The following GNE variants were observed in gnomAD, a reference collection of about 807,000 sequenced individuals.
The protein encoded by GNE is bifunctional UDP-N-acetylglucosamine 2-epimerase/N-acetylmannosamine kinase.
GNE carries 41 observed loss-of-function variants against 61.8 expected under a neutral mutation model. The ratio of observed to expected loss-of-function variants is 0.66; its 90% CI spans 0.52 to 0.86. The LOEUF (loss-of-function observed/expected upper bound fraction) is 0.86. Ranked by LOEUF, GNE falls within the 40% of genes least tolerant of loss-of-function variation. The pLI, the probability that GNE is intolerant of heterozygous loss-of-function variation, is 0.00. For synonymous variants in GNE, 264 were observed against 326.4 expected (o/e 0.81, Z 2.06); for missense variants, 608 against 909.1 (o/e 0.67, Z 4.26).
At chr9:36,266,816 G>A (rs1055185004) in intron 1 of GNE, among the ~76,000 whole-genome samples, 1 of 152,228 alleles carries the variant, frequency 6.6e-6, no homozygotes, top group African/African-American at 2.4e-5. Flanking sequence ...GGCTGAGGCA[G>A]GAGAATGGGG....
Position 36,245,500 on chromosome 9 carries a change from C to T in GNE, c.616+531G>A, listed in dbSNP as rs368111998. On this transcript the variant is annotated intron_variant, in intron 3 of 11. Transcript: ENST00000642385. ...AGGAGTTCGAGACCAGCCTGGCCAA[C>T]GTGGTGAAATTAAAAATAGAAAAAT... Among the ~76,000 whole-genome samples, 11 of 151,864 alleles carry T rather than the reference C, an allele frequency of 7.2e-5. No individual in the cohort carries two copies. In the South Asian group the frequency reaches 1.0e-3, roughly 14 times the overall value.
intron 1 of GNE, among the ~76,000 whole-genome samples, chr9:36,274,505 C>T (rs1224413195): frequency 1.3e-5 from 2 of 152,106 alleles, no homozygotes; most frequent in Non-Finnish European, 2.9e-5. Flanking sequence ...TCTCTTAACC[C>T]CTTCTTTTTC....
At chr9:36,256,572 C>G (rs894474031) in intron 1 of GNE, among the ~76,000 whole-genome samples, 4 of 152,116 alleles carry the variant, frequency 2.6e-5, no homozygotes, top group African/African-American at 9.7e-5. Flanking sequence ...AGACTACTTT[C>G]TGCATTCTCT....
intron 11 of GNE, 55 bp from the exon 12 acceptor site, chr9:36,217,655 C>T: frequency 1.8e-6 from 2 of 1,129,554 alleles, no homozygotes; most frequent in Admixed American, 3.8e-5. Flanking sequence ...AATCAAAATA[C>T]CAAAGAGGAA....
intron 1 of GNE, among the ~76,000 whole-genome samples, chr9:36,270,087 A>G (rs1442483369): frequency 1.3e-5 from 2 of 152,062 alleles, no homozygotes; most frequent in Non-Finnish European, 2.9e-5. Context: ...CCAGCATCCC[A>G]AGTAGCTGGG....
intron 1 of GNE, among the ~76,000 whole-genome samples, chr9:36,272,929 A>G (rs1352042907): frequency 6.8e-6 from 1 of 146,054 alleles, no homozygotes; most frequent in Non-Finnish European, 1.5e-5. Flanking sequence ...AAAAAAAAAA[A>G]AAAAAAAAAG....
chr9:36,265,343 G>A, intron 1 of GNE: 1 of 449,166 alleles, frequency 2.2e-6, no homozygotes, highest in Non-Finnish European at 4.5e-6. Context: ...CATCTTGGAA[G>A]CAACCCGCCA....
At chr9:36,269,436 G>A (rs1036856394) in intron 1 of GNE, among the ~76,000 whole-genome samples, 1 of 150,720 alleles carries the variant, frequency 6.6e-6, no homozygotes, top group Non-Finnish European at 1.5e-5. Context: ...AGGCCCCTAT[G>A]TTCAATTGCC....
intron 3 of GNE, among the ~76,000 whole-genome samples, chr9:36,241,752 T>C (rs1455687503): frequency 1.3e-5 from 2 of 152,146 alleles, no homozygotes; most frequent in Non-Finnish European, 2.9e-5. Flanking sequence ...ATTAAGATTG[T>C]TATATATTAA....
upstream of GNE, among the ~76,000 whole-genome samples, chr9:36,262,046 A>G (rs1482355011): frequency 6.6e-6 from 1 of 152,174 alleles, no homozygotes; most frequent in East Asian, 1.9e-4. Context: ...GGTAAGAAAA[A>G]TTAACTTCAA....
At chr9:36,227,917 C>T (rs1477260089) in intron 6 of GNE, among the ~76,000 whole-genome samples, 1 of 151,242 alleles carries the variant, frequency 6.6e-6, no homozygotes, top group African/African-American at 2.4e-5. Context: ...CCTGTAATCC[C>T]AGCTACTCAG....
At chr9:36,264,062 T>C (rs956350215) in intron 1 of GNE, among the ~76,000 whole-genome samples, 2 of 152,188 alleles carry the variant, frequency 1.3e-5, no homozygotes, top group African/African-American at 4.8e-5. Context: ...CTGACTTGAC[T>C]TGAATCCTGA....
At chr9:36,274,976 G>C (rs1269352837) in intron 1 of GNE, among the ~76,000 whole-genome samples, 1 of 152,084 alleles carries the variant, frequency 6.6e-6, no homozygotes, top group Non-Finnish European at 1.5e-5. Flanking sequence ...CGCCGGACTC[G>C]GCCTCCCAAA....
chr9:36,274,818 G>C (rs547689279), intron 1 of GNE, among the ~76,000 whole-genome samples: 29 of 129,788 alleles, frequency 2.2e-4, no homozygotes, highest in African/African-American at 7.4e-4. Context: ...CGCCTCCCGG[G>C]TTCACGCCAT....
At chr9:36,274,442 C>T (rs1284712643) in intron 1 of GNE, among the ~76,000 whole-genome samples, 1 of 151,992 alleles carries the variant, frequency 6.6e-6, no homozygotes, top group Non-Finnish European at 1.5e-5. Flanking sequence ...GGCCACGTAC[C>T]CTCTTTTTCC....
Position 36,220,014 on chromosome 9 carries a change from C to G in GNE, c.1640G>C (p.Gly547Ala). Residue 547 changes from glycine (G) to alanine (A), a missense_variant, in exon 10 of 12, where the codon GGT (glycine) becomes GCT (alanine). Physicochemically the swap from Gly to Ala is moderately conservative, Grantham distance 60. Coordinates refer to ENST00000642385, the MANE Select transcript of GNE (RefSeq NM_005476.7). Reference protein sequence around the residue: ...FVTLITGTGIGGGIIHQHELI... With the variant: ...FVTLITGTGIAGGIIHQHELI... ...TTCATGCTGATGGATAATTCCACCA[C>G]CGATTCCTACAGCGAGGGATAGAAA... 6.2e-7 allele frequency: 1 copy of G among 1,613,362 alleles called. No homozygotes were observed. The highest frequency in any genetic ancestry group is 2.2e-5 in the East Asian group (1 of 44,878).
intron 1 of GNE, among the ~76,000 whole-genome samples, chr9:36,272,285 T>C (rs963171799): frequency 2.0e-5 from 3 of 149,984 alleles, no homozygotes; most frequent in Non-Finnish European, 3.0e-5. Context: ...ATCGGGAGAG[T>C]TTTTAATTAG....
chr9:36,244,888 C>T (rs564937991), intron 3 of GNE, among the ~76,000 whole-genome samples: 10 of 147,694 alleles, frequency 6.8e-5, no homozygotes, highest in African/African-American at 2.3e-4. Context: ...TGCAGTGAGC[C>T]GAGACTGAGC....
rs1275573116 is a variant in GNE, at chr9:36,216,261, A to G, written c.*1104T>C. 4 of 455,066 alleles carry G rather than the reference A, an allele frequency of 8.8e-6. No individual in the cohort carries two copies. Among genetic ancestry groups the G allele is most frequent in the Admixed American group, 7.1e-5 (3 of 42,474 alleles). 28.2% of individuals were successfully genotyped at this position (455,066 alleles called of 1,614,324 possible). ...AAGTGTACTTAAGCCCTTCCTGGTA[A>G]GATTTCCCTCTGTTCTCTGACTGGA... On this transcript the variant is annotated 3_prime_UTR_variant, in exon 12 of 12. Transcript: ENST00000642385.
Sources: allele counts gnomAD v4.1 joint callset (sites outside exome capture counted in the v4.1 genomes callset), GRCh38; gene constraint gnomAD v4.1.1; transcripts MANE v1.5; gene names NCBI Gene and HGNC (gene_info 2026-07-23, HGNC 2026-07-21).